The following CSMD1 variants were observed in gnomAD, a reference collection of about 807,000 sequenced individuals.
CSMD1 encodes CUB and sushi domain-containing protein 1.
CSMD1 carries 213 observed loss-of-function variants against 417.5 expected under a neutral mutation model. That is an observed-to-expected ratio of 0.51 (90% CI 0.46 to 0.57). The LOEUF is 0.57. Ranked by LOEUF, CSMD1 falls within the 20% of genes least tolerant of loss-of-function variation. The probability of loss-of-function intolerance (pLI) is 0.00; values close to 1 mark genes in which losing one functional copy is unlikely to be tolerated. For missense variants in CSMD1, 6,923 were observed against 4,529.7 expected, an observed-to-expected ratio of 1.53 and a Z score of -15.17; for synonymous variants, 2,862 against 1,736.8, an observed-to-expected ratio of 1.65 and a Z score of -16.11.
Position 4,774,045 on chromosome 8 carries a change from A to T in CSMD1, c.86-136487T>A, listed in dbSNP as rs578208074. On this transcript the variant is annotated intron_variant, in intron 1 of 69. Coordinates refer to ENST00000635120, the MANE Select transcript of CSMD1 (RefSeq NM_033225.6). ...ACCCCAACTCTACTAAAAATACAAA[A>T]TATTAGCTGGGCATGGCGATAGATG... Among the ~76,000 whole-genome samples the T allele has an allele frequency of 2.0e-5, 3 of 152,082 alleles. 1 individual carries two copies. The South Asian group carries it at 6.2e-4, about 32-fold the overall frequency.
At chr8:3,062,932 G>A (rs117783730) in intron 49 of CSMD1, among the ~76,000 whole-genome samples, 2,239 of 151,812 alleles carry the variant, frequency 0.015, 20 homozygotes, top group East Asian at 0.039. Context: ...TCTTTTTTTC[G>A]GAATATAAAA....
intron 6 of CSMD1, among the ~76,000 whole-genome samples, chr8:3,748,654 A>G (rs968547304): frequency 3.3e-5 from 5 of 152,228 alleles, no homozygotes; most frequent in Non-Finnish European, 7.3e-5. Flanking sequence ...CAAATCTCAG[A>G]AAATGTGAGC....
At chr8:3,968,004 TAA>T (rs11330461) in intron 5 of CSMD1, among the ~76,000 whole-genome samples, 1,323 of 98,886 alleles carry the variant, frequency 0.013, 27 homozygotes, top group African/African-American at 0.03. Context: ...CGTCACTGCT[TAA>T]AAAAAAAAAA....
At chr8:4,411,710 A>G (rs1796657479) in intron 3 of CSMD1, among the ~76,000 whole-genome samples, 1 of 152,214 alleles carries the variant, frequency 6.6e-6, no homozygotes, top group Non-Finnish European at 1.5e-5. Flanking sequence ...GAAAGCATAT[A>G]TATATGTGTG....
chr8:3,041,903 T>G (rs1350033019), intron 50 of CSMD1, among the ~76,000 whole-genome samples: 1 of 152,186 alleles, frequency 6.6e-6, no homozygotes, highest in Non-Finnish European at 1.5e-5. Context: ...TTATGCTCAT[T>G]TCTAAAATGT....
At chr8:4,128,673 A>G (rs1241148122) in intron 3 of CSMD1, among the ~76,000 whole-genome samples, 1 of 152,006 alleles carries the variant, frequency 6.6e-6, no homozygotes, top group Non-Finnish European at 1.5e-5. Context: ...TCTTTCTTTC[A>G]TCCCATACCC....
chr8:3,869,285 A>G (rs915556321), intron 5 of CSMD1, among the ~76,000 whole-genome samples: 2 of 152,154 alleles, frequency 1.3e-5, no homozygotes, highest in Non-Finnish European at 2.9e-5. Context: ...GTGACACACC[A>G]CATTCTCCTT....
rs757075719 is a variant in CSMD1, at chr8:3,142,492, G to A, written c.6214C>T (p.Arg2072Trp). Reference sequence around the variant, plus strand: ...TGGTAAGCAAGTTTAAATCCTTGCCGGTTTTGCGAATGGTCACTATAAAAG... The same window carrying A: ...TGGTAAGCAAGTTTAAATCCTTGCCAGTTTTGCGAATGGTCACTATAAAAG... ...IHFYSDHSQN[R>W]QGFKLAYQAY... Residue 2072 changes from arginine (R) to tryptophan (W), a missense_variant, in exon 41 of 70, where the codon CGG (arginine) becomes TGG (tryptophan). Physicochemically the swap from Arg to Trp is moderately radical, Grantham distance 101. Transcript: ENST00000635120. 13 of 1,613,752 alleles carry A rather than the reference G, an allele frequency of 8.1e-6. No homozygotes were observed. The East Asian group carries it at 1.6e-4, about 19-fold the overall frequency.
chr8:3,749,605 T>C (rs917313923), intron 6 of CSMD1, among the ~76,000 whole-genome samples: 3 of 152,208 alleles, frequency 2.0e-5, no homozygotes, highest in African/African-American at 4.8e-5. Flanking sequence ...AAAAAGAATA[T>C]ATTATTTGTC....
At position 3,688,878 on chromosome 8, in the gene CSMD1, A is replaced by T. The variant is rs958847680; in HGVS notation, c.1009+19536T>A. Among the ~76,000 whole-genome samples, 20 of 152,302 alleles carry T rather than the reference A, an allele frequency of 1.3e-4. 1 individual carries two copies. Among genetic ancestry groups the T allele is most frequent in the Middle Eastern group, 6.8e-3 (2 of 294 alleles). On this transcript the variant is annotated intron_variant, in intron 7 of 69. Coordinates refer to ENST00000635120, the MANE Select transcript of CSMD1 (RefSeq NM_033225.6). ...AAAAGAATAGAGAGATCAGAAATAGACTCACTTAGATCTCAGACAAAGGAG... is the reference window on the plus strand; with the variant it reads ...AAAAGAATAGAGAGATCAGAAATAGTCTCACTTAGATCTCAGACAAAGGAG...
intron 4 of CSMD1, among the ~76,000 whole-genome samples, chr8:4,008,650 G>A (rs747369261): frequency 6.1e-5 from 7 of 114,810 alleles, no homozygotes; most frequent in Admixed American, 1.3e-4. Context: ...TCGCTCTGTC[G>A]CCCAGGCTGG....
chr8:4,134,368 A>G (rs1803291772), intron 3 of CSMD1, among the ~76,000 whole-genome samples: 1 of 152,178 alleles, frequency 6.6e-6, no homozygotes, highest in Admixed American at 6.5e-5. Flanking sequence ...TTATTCTTAT[A>G]TGAAGAAATC....
At chr8:3,584,792 T>C (rs975558190) in intron 9 of CSMD1, among the ~76,000 whole-genome samples, 48 of 152,186 alleles carry the variant, frequency 3.2e-4, no homozygotes, top group African/African-American at 1.1e-3. Context: ...TTGAAGGATT[T>C]TTTTTTCCCC....
intron 5 of CSMD1, among the ~76,000 whole-genome samples, chr8:3,843,568 T>C (rs1803275263): frequency 2.0e-5 from 3 of 152,318 alleles, no homozygotes; most frequent in South Asian, 4.1e-4. Context: ...ACGATGCTTT[T>C]ATGTCAATGC....
intron 1 of CSMD1, among the ~76,000 whole-genome samples, chr8:4,985,512 CAA>C (rs1811132559): frequency 6.6e-6 from 1 of 152,144 alleles, no homozygotes; most frequent in African/African-American, 2.4e-5. Flanking sequence ...TTTCAAGAGT[CAA>C]GTCTTCCCAA....
At chr8:4,356,220 C>G (rs1455940470) in intron 3 of CSMD1, among the ~76,000 whole-genome samples, 2 of 152,128 alleles carry the variant, frequency 1.3e-5, no homozygotes, top group East Asian at 3.9e-4. Flanking sequence ...GTTTTCCATT[C>G]CTGAGTTACT....
At chr8:4,711,916 G>A (rs1002844229) in intron 1 of CSMD1, among the ~76,000 whole-genome samples, 1 of 152,200 alleles carries the variant, frequency 6.6e-6, no homozygotes, top group Admixed American at 6.5e-5. Context: ...CCTACTACAG[G>A]AAAGGGACTG....
chr8:4,114,016 C>G (rs920188376), intron 3 of CSMD1, among the ~76,000 whole-genome samples: 2 of 152,170 alleles, frequency 1.3e-5, no homozygotes, highest in Non-Finnish European at 2.9e-5. Flanking sequence ...GCACGTTCTC[C>G]AGAACATCTA....
chr8:2,938,602 C>A lies in CSMD1; in HGVS notation c.10678G>T (p.Val3560Phe). 1 of 1,612,126 alleles carries A rather than the reference C, an allele frequency of 6.2e-7. No individual in the cohort carries two copies. The highest frequency in any genetic ancestry group is 8.5e-7 in the Non-Finnish European group (1 of 1,179,170). ...ACTGAGGGCTATACCACTGTACAGA[C>A]TGTGTTCAGAGTTGTGTCAAACCTC... ...AVRFDTTLNTVCTVV is the reference protein window; with the variant it reads ...AVRFDTTLNTFCTVV Residue 3560 changes from valine (V) to phenylalanine (F), a missense_variant, in exon 70 of 70, where the codon GTC becomes TTC. Physicochemically the swap from Val to Phe is conservative, Grantham distance 50 (BLOSUM62 -1). Transcript: ENST00000635120.
Sources: gnomAD v4.1 joint callset for allele counts (sites outside exome capture counted in the v4.1 genomes callset) on GRCh38, gnomAD v4.1.1 for gene constraint, MANE v1.5 for transcripts, NCBI Gene and HGNC (gene_info 2026-07-23, HGNC 2026-07-21) for gene names.